Variants in PIP5K1C observed in about 807,000 individuals in gnomAD.
PIP5K1C encodes phosphatidylinositol 4-phosphate 5-kinase type-1 gamma.
A neutral mutation model predicts 80.1 loss-of-function variants in PIP5K1C; 45 were observed. The ratio of observed to expected loss-of-function variants is 0.56; its 90% CI spans 0.44 to 0.72. PIP5K1C has a LOEUF of 0.72. PIP5K1C is among the 30% of genes least tolerant of loss of function. The pLI, the probability that PIP5K1C is intolerant of heterozygous loss-of-function variation, is 0.00. For missense variants in PIP5K1C, 753 were observed against 954.6 expected (o/e 0.79, Z 2.78); for synonymous variants, 498 against 420.1 (o/e 1.19, Z -2.27).
At chr19:3,641,483 A>C (rs1401593845) in intron 15 of PIP5K1C, among the ~76,000 whole-genome samples, 1 of 152,040 alleles carries the variant, frequency 6.6e-6, no homozygotes, top group African/African-American at 2.4e-5. Flanking sequence ...AACAGTCACA[A>C]ATGTCCCCAG....
chr19:3,673,519 C>T (rs2035273041), intron 1 of PIP5K1C, among the ~76,000 whole-genome samples: 1 of 152,204 alleles, frequency 6.6e-6, no homozygotes, highest in South Asian at 2.1e-4. Context: ...CAGAGTAGCA[C>T]AGGGGGCCTG....
At chr19:3,687,128 C>T (rs182151981) in intron 1 of PIP5K1C, among the ~76,000 whole-genome samples, 4 of 152,032 alleles carry the variant, frequency 2.6e-5, no homozygotes, top group East Asian at 1.9e-4. Context: ...GGGAGGCAGA[C>T]GTTGCAGTGG....
At chr19:3,669,082 T>C (rs2035116349) in intron 1 of PIP5K1C, among the ~76,000 whole-genome samples, 1 of 152,262 alleles carries the variant, frequency 6.6e-6, no homozygotes, top group South Asian at 2.1e-4. Context: ...TCTGCCAGCA[T>C]CTTCTCACTC....
rs999202992 is a variant in PIP5K1C, at chr19:3,692,643, C to G, written c.94+7654G>C. On this transcript the variant is annotated intron_variant, in intron 1 of 17. Coordinates refer to ENST00000335312, the MANE Select transcript of PIP5K1C (RefSeq NM_012398.3). The surrounding 1 kb of genome is among the most constrained non-coding windows in gnomAD (Gnocchi z 5.2). ...TCCCCTCTGCCCTGGTTCCCCTAGCCCACGTCCCGCCCTCACCCCATCTGT... is the reference window on the plus strand; with the variant it reads ...TCCCCTCTGCCCTGGTTCCCCTAGCGCACGTCCCGCCCTCACCCCATCTGT... Among the ~76,000 whole-genome samples the G allele has an allele frequency of 3.3e-5, 5 of 152,226 alleles. No homozygotes were observed. Among genetic ancestry groups the G allele is most frequent in the African/African-American group, 1.2e-4 (5 of 41,526 alleles).
At chr19:3,645,809 G>A (rs559277538) in intron 11 of PIP5K1C, among the ~76,000 whole-genome samples, 165 bp downstream of exon 11, 2 of 152,252 alleles carry the variant, frequency 1.3e-5, no homozygotes, top group East Asian at 1.9e-4. Context: ...CAAATATCCC[G>A]ACTACCCTAC....
At chr19:3,689,850 AC>A (rs2035889301) in intron 1 of PIP5K1C, among the ~76,000 whole-genome samples, 1 of 151,904 alleles carries the variant, frequency 6.6e-6, no homozygotes, top group South Asian at 2.1e-4. Context: ...CTCCCCCCCC[AC>A]ACACAGAATG....
Position 3,648,813 on chromosome 19 carries a change from T to C in PIP5K1C, c.1128-105A>G, listed in dbSNP as rs117268903. 2.0e-4 allele frequency: 186 copies of C among 921,098 alleles called. No homozygotes were observed. The East Asian group carries it at 3.5e-3, about 17-fold the overall frequency. The allele number at this position is 921,098 out of a possible 1,614,324, so 57.1% of individuals were successfully genotyped here. A position where few individuals can be genotyped will look rare whatever the true frequency, so the allele number is the denominator to read the frequency against. On this transcript the variant is annotated intron_variant, in intron 8 of 17. Transcript: ENST00000335312. This position sits in a 1 kb window ranked among gnomAD's most constrained non-coding sequence, Gnocchi z 4.3. ...TAGGGAGTCCATCTGCTCCTGTGGG[T>C]GGCAACTTGGCCAAGCTCTCGGAGT...
chr19:3,647,934 G>C (rs929790115), intron 9 of PIP5K1C, among the ~76,000 whole-genome samples: 2 of 152,214 alleles, frequency 1.3e-5, no homozygotes, highest in Admixed American at 6.5e-5. Flanking sequence ...GTGACAGAGC[G>C]AGACTTTGTC....
At chr19:3,689,156 G>A (rs2035868290) in intron 1 of PIP5K1C, among the ~76,000 whole-genome samples, 1 of 152,166 alleles carries the variant, frequency 6.6e-6, no homozygotes. Context: ...CTCCCAAAGT[G>A]CTGGGATTAC....
At chr19:3,652,448 C>T (rs755337272) in intron 7 of PIP5K1C, among the ~76,000 whole-genome samples, 4 of 152,094 alleles carry the variant, frequency 2.6e-5, no homozygotes, top group African/African-American at 9.7e-5. Context: ...GTGGTCTGGG[C>T]GGTTTTCTGG....
chr19:3,667,722 C>T (rs933321169), intron 1 of PIP5K1C, among the ~76,000 whole-genome samples: 2 of 152,208 alleles, frequency 1.3e-5, no homozygotes, highest in Admixed American at 6.5e-5. Flanking sequence ...AAACCTCCCC[C>T]GGCTCTGACC....
At position 3,637,179 on chromosome 19, in the gene PIP5K1C, C is replaced by G. The variant is rs1050683740; in HGVS notation, c.1920+1705G>C. 1 of 1,424,560 alleles carries G rather than the reference C, an allele frequency of 7.0e-7. No homozygotes were observed. Among genetic ancestry groups the G allele is most frequent in the Non-Finnish European group, 9.1e-7 (1 of 1,093,272 alleles). The allele number at this position is 1,424,560 out of a possible 1,614,324, so 88.2% of individuals were successfully genotyped here. A position where few individuals can be genotyped will look rare whatever the true frequency, so the allele number is the denominator to read the frequency against. On this transcript the variant is annotated intron_variant, in intron 16 of 17. Coordinates refer to ENST00000335312, the MANE Select transcript of PIP5K1C (RefSeq NM_012398.3). This position sits in a 1 kb window ranked among gnomAD's most constrained non-coding sequence, Gnocchi z 7.0. ...CAGCCAGGTCTGCACGAGTGAGAAGCGTCCACCCAAGACACCCTGACACGA... is the reference window on the plus strand; with the variant it reads ...CAGCCAGGTCTGCACGAGTGAGAAGGGTCCACCCAAGACACCCTGACACGA...
chr19:3,648,567 C>T lies in PIP5K1C; in HGVS notation c.1211+58G>A. ...GTGGGGCTGCAGACCCGGGCGCCCACCTGTGGGACTGCAGACCCGGGGCGT... is the reference window on the plus strand; with the variant it reads ...GTGGGGCTGCAGACCCGGGCGCCCATCTGTGGGACTGCAGACCCGGGGCGT... On this transcript the variant is annotated intron_variant, in intron 9 of 17. Transcript: ENST00000335312. The surrounding 1 kb of genome is among the most constrained non-coding windows in gnomAD (Gnocchi z 4.3). The T allele has an allele frequency of 7.8e-7, 1 of 1,275,104 alleles. No homozygotes were observed. The highest frequency in any genetic ancestry group is 1.1e-6 in the Non-Finnish European group (1 of 914,988). The allele number at this position is 1,275,104 out of a possible 1,614,324, so 79.0% of individuals were successfully genotyped here.
chr19:3,635,154 G>A (rs1374516260), intron 16 of PIP5K1C, among the ~76,000 whole-genome samples: 4 of 152,266 alleles, frequency 2.6e-5, no homozygotes, highest in Admixed American at 1.3e-4. Flanking sequence ...AGGGAGGAGG[G>A]TGGCAGCAGC....
chr19:3,636,174 A>T (rs1353772758), intron 16 of PIP5K1C, among the ~76,000 whole-genome samples: 1 of 152,082 alleles, frequency 6.6e-6, no homozygotes, highest in African/African-American at 2.4e-5. Flanking sequence ...GAAAAAAAAG[A>T]AAGGGCAGGA....
chr19:3,647,469 C>T, intron 9 of PIP5K1C, 83 bp from the exon 10 acceptor site: 3 of 1,182,952 alleles, frequency 2.5e-6, no homozygotes, highest in Non-Finnish European at 3.7e-6. Context: ...CTGTGCACCC[C>T]CCAGGACACT....
At position 3,648,711 on chromosome 19, in the gene PIP5K1C, G is replaced by C. The variant is rs751200703; in HGVS notation, c.1128-3C>G. Reference sequence around the variant, plus strand: ...TCACAGCGGGGATCCCGCCCATCCTGGGGAGAGAGGCCGAGGGTACCATCA... The same window carrying C: ...TCACAGCGGGGATCCCGCCCATCCTCGGGAGAGAGGCCGAGGGTACCATCA... On this transcript the variant is annotated splice_region_variant and splice_polypyrimidine_tract_variant and intron_variant, in intron 8 of 17. Coordinates refer to ENST00000335312, the MANE Select transcript of PIP5K1C (RefSeq NM_012398.3). The surrounding 1 kb of genome is among the most constrained non-coding windows in gnomAD (Gnocchi z 4.3). 6.2e-7 allele frequency: 1 copy of C among 1,612,384 alleles called. No homozygotes were observed. Among genetic ancestry groups the C allele is most frequent in the Admixed American group, 1.7e-5 (1 of 60,006 alleles).
At chr19:3,660,405 G>A (rs913989309) in intron 5 of PIP5K1C, among the ~76,000 whole-genome samples, 101 of 151,668 alleles carry the variant, frequency 6.7e-4, no homozygotes, top group Non-Finnish European at 8.8e-5. Flanking sequence ...GGGTGCTGGC[G>A]CTGATGAGCT....
At chr19:3,656,653 C>T (rs945450180) in intron 5 of PIP5K1C, 96 bp from the exon 6 acceptor site, 25 of 1,394,706 alleles carry the variant, frequency 1.8e-5, no homozygotes, top group South Asian at 1.5e-4. Flanking sequence ...GAACTGATGA[C>T]GGGTCGCTGC....
Sources: allele counts gnomAD v4.1 joint callset (sites outside exome capture counted in the v4.1 genomes callset), GRCh38; gene constraint gnomAD v4.1.1; non-coding constraint Gnocchi (gnomAD v3.1); transcripts MANE v1.5; gene names NCBI Gene and HGNC (gene_info 2026-07-23, HGNC 2026-07-21).